Variants in DCC observed in about 807,000 individuals in gnomAD.
DCC encodes the protein netrin receptor DCC.
DCC carries 58 observed loss-of-function variants against 172.5 expected under a neutral mutation model. The ratio of observed to expected loss-of-function variants is 0.34; its 90% CI spans 0.27 to 0.42. The LOEUF is 0.42. DCC is among the 10% of genes least tolerant of loss of function. The pLI is 1.00. For missense variants in DCC, 1,740 were observed against 1,791.0 expected (o/e 0.97, Z 0.51); for synonymous variants, 709 against 644.5 (o/e 1.10, Z -1.52).
intron 1 of DCC, among the ~76,000 whole-genome samples, chr18:52,493,019 G>A (rs1197443870): frequency 6.6e-6 from 1 of 152,118 alleles, no homozygotes; most frequent in Non-Finnish European, 1.5e-5. Flanking sequence ...GCATGCAGAA[G>A]AGGGTGTGAA....
intron 22 of DCC, among the ~76,000 whole-genome samples, chr18:53,438,355 A>G (rs1912076949): frequency 6.6e-6 from 1 of 152,204 alleles, no homozygotes; most frequent in Non-Finnish European, 1.5e-5. Flanking sequence ...CAGACACAAA[A>G]CTATGTACTC....
At chr18:52,583,572 A>G (rs1441781172) in intron 1 of DCC, among the ~76,000 whole-genome samples, 1 of 152,154 alleles carries the variant, frequency 6.6e-6, no homozygotes, top group Admixed American at 6.5e-5. Context: ...CTATTACTAA[A>G]TATTCCCTGA....
chr18:53,385,953 T>G, intron 15 of DCC, 90 bp from the exon 16 acceptor site: 1 of 870,682 alleles, frequency 1.1e-6, no homozygotes, highest in Non-Finnish European at 1.9e-6. Context: ...GTAGATTATA[T>G]GAAATTTGTT....
At chr18:52,702,939 G>A (rs17682334) in intron 1 of DCC, among the ~76,000 whole-genome samples, 54,591 of 151,876 alleles carry the variant, frequency 0.36, 11,065 homozygotes, top group Non-Finnish European at 0.46. Context: ...ATAAGATTTC[G>A]TTTCAACTTA....
At chr18:52,796,483 C>T (rs1454254895) in intron 2 of DCC, among the ~76,000 whole-genome samples, 2 of 152,064 alleles carry the variant, frequency 1.3e-5, no homozygotes, top group East Asian at 1.9e-4. Context: ...CTATTTTAAA[C>T]ATTTTTTGTA....
At chr18:52,878,628 T>A (rs1378512528) in intron 2 of DCC, among the ~76,000 whole-genome samples, 1 of 152,200 alleles carries the variant, frequency 6.6e-6, no homozygotes, top group Non-Finnish European at 1.5e-5. Context: ...TTTTTCCCCA[T>A]GAAGTCATTA....
At chr18:53,416,099 A>G in intron 20 of DCC, 25 bp from the exon 21 acceptor site, 1 of 1,587,202 alleles carries the variant, frequency 6.3e-7, no homozygotes, top group African/African-American at 1.3e-5. Context: ...AAAGTCTAAT[A>G]ATGTTATTTC....
intron 12 of DCC, among the ~76,000 whole-genome samples, chr18:53,296,228 C>A (rs546661012): frequency 6.6e-6 from 1 of 152,108 alleles, no homozygotes; most frequent in East Asian, 1.9e-4. Flanking sequence ...TTTCTTTATT[C>A]TTTCTACCTG....
chr18:52,806,350 A>T (rs1311915135), intron 2 of DCC, among the ~76,000 whole-genome samples: 1 of 152,180 alleles, frequency 6.6e-6, no homozygotes, highest in African/African-American at 2.4e-5. Context: ...CACATTCCAT[A>T]GTTTACATTA....
intron 1 of DCC, among the ~76,000 whole-genome samples, chr18:52,405,633 C>T (rs1004262295): frequency 1.1e-4 from 17 of 150,954 alleles, no homozygotes; most frequent in African/African-American, 2.9e-4. Context: ...AGGACCTCTT[C>T]AAGGAGAACT....
intron 12 of DCC, among the ~76,000 whole-genome samples, chr18:53,257,858 G>A (rs1263917631): frequency 1.3e-5 from 2 of 152,070 alleles, no homozygotes; most frequent in East Asian, 1.9e-4. Flanking sequence ...TTTTTGGTTG[G>A]TAAGCTATTA....
intron 7 of DCC, among the ~76,000 whole-genome samples, chr18:53,131,382 ATTT>A (rs1015063403): frequency 2.6e-5 from 4 of 152,156 alleles, no homozygotes; most frequent in African/African-American, 9.6e-5. Context: ...AAAATATCTC[ATTT>A]TTAGATCAAA....
chr18:52,904,324 T>C (rs1598914935), intron 2 of DCC, among the ~76,000 whole-genome samples: 1 of 152,324 alleles, frequency 6.6e-6, no homozygotes, highest in East Asian at 1.9e-4. Flanking sequence ...CTAACCCACA[T>C]ATAATTTTGG....
intron 2 of DCC, among the ~76,000 whole-genome samples, chr18:52,840,754 T>C (rs1456282444): frequency 6.6e-6 from 1 of 152,176 alleles, no homozygotes; most frequent in Admixed American, 6.6e-5. Context: ...TTATTCTTAT[T>C]TAAACCATGA....
chr18:53,475,994 G>A (rs1177630581), intron 25 of DCC, among the ~76,000 whole-genome samples: 1 of 152,208 alleles, frequency 6.6e-6, no homozygotes, highest in Non-Finnish European at 1.5e-5. Flanking sequence ...TGGAATCAGA[G>A]GAGATCATTT....
chr18:53,121,236 C>A (rs1432511432), intron 7 of DCC, among the ~76,000 whole-genome samples: 1 of 151,780 alleles, frequency 6.6e-6, no homozygotes, highest in East Asian at 1.9e-4. Flanking sequence ...AAAAGCAAAT[C>A]GCTGGGGATA....
intron 1 of DCC, among the ~76,000 whole-genome samples, chr18:52,649,816 G>A (rs2035093529): frequency 3.3e-5 from 5 of 152,126 alleles, no homozygotes; most frequent in Admixed American, 3.3e-4. Context: ...AATTTATGCA[G>A]TCATTCACTG....
intron 15 of DCC, among the ~76,000 whole-genome samples, chr18:53,384,949 G>A (rs373549258): frequency 1.9e-3 from 283 of 150,248 alleles, no homozygotes; most frequent in African/African-American, 5.9e-3. Flanking sequence ...CCAGGTTCAC[G>A]CCATTCTCCT....
At chr18:53,216,165 C>A (rs2055845676) in intron 12 of DCC, among the ~76,000 whole-genome samples, 1 of 152,188 alleles carries the variant, frequency 6.6e-6, no homozygotes. Flanking sequence ...TCAACTTAGG[C>A]TAGTATTGCT....
Sources: allele counts gnomAD v4.1 joint callset (sites outside exome capture counted in the v4.1 genomes callset), GRCh38; gene constraint gnomAD v4.1.1; transcripts MANE v1.5; gene names NCBI Gene and HGNC (gene_info 2026-07-23, HGNC 2026-07-21).